The following EYS variants were observed in gnomAD, a reference collection of about 807,000 sequenced individuals.
The protein encoded by EYS is EGF-like photoreceptor maintenance factor.
Under a neutral mutation model 282.1 loss-of-function variants are expected in EYS, and 250 were observed. That is an observed-to-expected ratio of 0.89 (90% CI 0.80 to 0.98). The LOEUF (loss-of-function observed/expected upper bound fraction) is 0.98, where lower values mean the gene tolerates loss of function less well. EYS is among the 50% of genes least tolerant of loss of function. The pLI, the probability that EYS is intolerant of heterozygous loss-of-function variation, is 0.00. For synonymous variants in EYS, 1,355 were observed against 1,282.9 expected, an observed-to-expected ratio of 1.06 and a Z score of -1.20; for missense variants, 4,016 against 3,709.0, an observed-to-expected ratio of 1.08 and a Z score of -2.15.
At chr6:64,252,262 C>T (rs1454288662) in intron 30 of EYS, among the ~76,000 whole-genome samples, 1 of 152,028 alleles carries the variant, frequency 6.6e-6, no homozygotes, top group African/African-American at 2.4e-5. Flanking sequence ...TTCATTGATG[C>T]CTTCCTATAT....
intron 35 of EYS, among the ~76,000 whole-genome samples, chr6:63,979,170 T>C (rs1381413695): frequency 6.6e-6 from 1 of 151,962 alleles, no homozygotes; most frequent in African/African-American, 2.4e-5. Flanking sequence ...CAGCCACCTA[T>C]TTTGGTAAAT....
intron 30 of EYS, among the ~76,000 whole-genome samples, chr6:64,258,658 A>G (rs145101598): frequency 6.6e-6 from 1 of 152,224 alleles, no homozygotes; most frequent in African/African-American, 2.4e-5. Flanking sequence ...TTACCTCAAG[A>G]TATTAAGTCA....
chr6:64,355,233 G>C (rs1435966955), intron 29 of EYS, among the ~76,000 whole-genome samples: 1 of 151,556 alleles, frequency 6.6e-6, no homozygotes, highest in Non-Finnish European at 1.5e-5. Flanking sequence ...ACAGAATTTT[G>C]TGTGCAAATT....
chr6:64,437,989 T>C (rs1252035826), intron 27 of EYS, among the ~76,000 whole-genome samples: 2 of 151,858 alleles, frequency 1.3e-5, no homozygotes, highest in Admixed American at 1.3e-4. Context: ...ATTATATAAG[T>C]TAATTACCTT....
chr6:64,895,100 G>GTGA (rs1767412905), intron 18 of EYS, among the ~76,000 whole-genome samples: 4 of 152,086 alleles, frequency 2.6e-5, no homozygotes, highest in African/African-American at 9.7e-5. Flanking sequence ...TGCAGGGGTG[G>GTGA]TGATTCCAAA....
intron 13 of EYS, among the ~76,000 whole-genome samples, chr6:65,042,361 T>A (rs1407921985): frequency 6.6e-6 from 1 of 151,604 alleles, no homozygotes; most frequent in African/African-American, 2.4e-5. Flanking sequence ...TTTTATGGAA[T>A]TATTTTGATC....
chr6:63,750,969 A>G (rs560881843), intron 41 of EYS, among the ~76,000 whole-genome samples: 64 of 152,306 alleles, frequency 4.2e-4, no homozygotes, highest in African/African-American at 1.5e-3. Context: ...AAAGCTCTGC[A>G]ATATGCTTTG....
chr6:65,508,190 A>G (rs981752104), intron 2 of EYS, among the ~76,000 whole-genome samples: 1 of 152,130 alleles, frequency 6.6e-6, no homozygotes, highest in Non-Finnish European at 1.5e-5. Flanking sequence ...GACTTTCCTA[A>G]GTACTCATCT....
At chr6:64,357,824 G>T (rs897489581) in intron 29 of EYS, among the ~76,000 whole-genome samples, 3 of 151,574 alleles carry the variant, frequency 2.0e-5, no homozygotes, top group Non-Finnish European at 4.4e-5. Context: ...TTGTAAACAG[G>T]TGGCAGGTCA....
At chr6:65,567,505 G>A (rs1021909848) in intron 2 of EYS, among the ~76,000 whole-genome samples, 9 of 151,798 alleles carry the variant, frequency 5.9e-5, no homozygotes, top group African/African-American at 2.2e-4. Context: ...AAATGATGCA[G>A]CTTTTTAAAT....
intron 22 of EYS, among the ~76,000 whole-genome samples, chr6:64,745,538 T>C (rs898432602): frequency 1.1e-4 from 16 of 152,144 alleles, no homozygotes; most frequent in Admixed American, 2.0e-4. Flanking sequence ...CTTCCAAAAA[T>C]AGACTTTACT....
At chr6:64,067,000 A>G (rs1383211348) in intron 32 of EYS, among the ~76,000 whole-genome samples, 1 of 152,150 alleles carries the variant, frequency 6.6e-6, no homozygotes, top group African/African-American at 2.4e-5. Flanking sequence ...AGAAATATAT[A>G]GAGAAAAGAG....
At chr6:64,557,922 A>C (rs940001341) in intron 26 of EYS, among the ~76,000 whole-genome samples, 3 of 152,036 alleles carry the variant, frequency 2.0e-5, no homozygotes, top group Non-Finnish European at 4.4e-5. Context: ...ATCCTAAAAC[A>C]TTTACTATCT....
At chr6:63,729,688 C>A (rs1048352114) in intron 41 of EYS, among the ~76,000 whole-genome samples, 2 of 152,104 alleles carry the variant, frequency 1.3e-5, no homozygotes, top group African/African-American at 4.8e-5. Context: ...ATTTCCTTAG[C>A]AGTTCCCTCA....
At chr6:64,832,435 G>A (rs1765252003) in intron 19 of EYS, among the ~76,000 whole-genome samples, 1 of 151,756 alleles carries the variant, frequency 6.6e-6, no homozygotes, top group South Asian at 2.1e-4. Context: ...GGTTTCTAGA[G>A]GCTAGGAGTG....
chr6:64,021,473 A>G (rs959322107), intron 33 of EYS, among the ~76,000 whole-genome samples: 2 of 152,082 alleles, frequency 1.3e-5, no homozygotes, highest in East Asian at 3.8e-4. Flanking sequence ...CTGGAATAAT[A>G]AAGAAGGATA....
chr6:64,164,879 T>C (rs1459692097), intron 31 of EYS, among the ~76,000 whole-genome samples: 5 of 152,318 alleles, frequency 3.3e-5, no homozygotes, highest in African/African-American at 1.2e-4. Context: ...GATTAGCCAT[T>C]ACTTCTACAG....
chr6:65,702,019 G>T (rs1167633477), intron 1 of EYS, among the ~76,000 whole-genome samples: 1 of 152,138 alleles, frequency 6.6e-6, no homozygotes, highest in African/African-American at 2.4e-5. Context: ...TCAACATGTT[G>T]TGCCCTATGG....
intron 5 of EYS, chr6:65,490,292 G>A (rs551741585): frequency 2.8e-5 from 6 of 218,062 alleles, no homozygotes; most frequent in African/African-American, 1.4e-4. Context: ...ATAAACACAT[G>A]AACAATTTCA....
Sources: gnomAD v4.1 joint callset for allele counts (sites outside exome capture counted in the v4.1 genomes callset) on GRCh38, gnomAD v4.1.1 for gene constraint, MANE v1.5 for transcripts, NCBI Gene and HGNC (gene_info 2026-07-23, HGNC 2026-07-21) for gene names.